The following TDRD3 variants were observed in gnomAD, a reference collection of about 807,000 sequenced individuals.
TDRD3 encodes the protein tudor domain-containing protein 3.
In TDRD3, 45 loss-of-function variants were observed where a neutral mutation model predicts 86.7. That is an observed-to-expected ratio of 0.52 (90% CI 0.41 to 0.67). The LOEUF is 0.67. Among genes scored for constraint, TDRD3 ranks in the 30% least tolerant of loss-of-function variants. TDRD3 has a pLI of 0.00. For missense variants in TDRD3, 814 were observed against 889.0 expected (o/e 0.92, Z 1.07); for synonymous variants, 298 against 301.7 (o/e 0.99, Z 0.13).
chr13:60,503,292 G>T (rs7996718), intron 8 of TDRD3, among the ~76,000 whole-genome samples: 7 of 152,156 alleles, frequency 4.6e-5, no homozygotes, highest in African/African-American at 7.2e-5. Context: ...TGTATAGCTT[G>T]ATTGTAACCC....
intron 10 of TDRD3, 35 bp downstream of exon 10, chr13:60,510,790 T>C (rs777302209): frequency 6.7e-7 from 1 of 1,493,970 alleles, no homozygotes; most frequent in East Asian, 2.4e-5. Flanking sequence ...TTTTTTTTTC[T>C]TTCTTTTCTT....
intron 12 of TDRD3, among the ~76,000 whole-genome samples, chr13:60,541,746 T>TTTTTTTTTA (rs1957818133): frequency 7.4e-6 from 1 of 135,922 alleles, no homozygotes; most frequent in African/African-American, 2.7e-5. Context: ...TTTTTTTTTT[T>TTTTTTTTTA]GAGACGGAGT....
chr13:60,443,283 T>G (rs1160696404), intron 2 of TDRD3, among the ~76,000 whole-genome samples: 1 of 152,048 alleles, frequency 6.6e-6, no homozygotes, highest in African/African-American at 2.4e-5. Context: ...TTTACACTTA[T>G]GTTATTCAGT....
chr13:60,500,141 C>T (rs1445047785), intron 8 of TDRD3, among the ~76,000 whole-genome samples: 1 of 152,138 alleles, frequency 6.6e-6, no homozygotes, highest in East Asian at 1.9e-4. Context: ...CGGCTCTTGG[C>T]CTGTTACTGG....
intron 1 of TDRD3, among the ~76,000 whole-genome samples, chr13:60,417,715 A>G (rs1954559836): frequency 6.6e-6 from 1 of 152,118 alleles, no homozygotes; most frequent in Non-Finnish European, 1.5e-5. Flanking sequence ...AGCCTTATAT[A>G]TGAAATACTC....
At chr13:60,403,069 G>A (rs923127457) in intron 1 of TDRD3, among the ~76,000 whole-genome samples, 5 of 151,608 alleles carry the variant, frequency 3.3e-5, no homozygotes, top group South Asian at 2.1e-4. Flanking sequence ...TGTAAACTGC[G>A]AAAAATGACT....
intron 10 of TDRD3, among the ~76,000 whole-genome samples, chr13:60,517,640 C>G (rs1240430297): frequency 2.0e-5 from 3 of 152,192 alleles, no homozygotes; most frequent in Non-Finnish European, 2.9e-5. Flanking sequence ...TTGAATTTTT[C>G]TTCCTGTAAA....
chr13:60,432,896 C>A (rs1324861563), intron 1 of TDRD3, among the ~76,000 whole-genome samples: 2 of 151,998 alleles, frequency 1.3e-5, no homozygotes, highest in Admixed American at 1.3e-4. Flanking sequence ...TGTGCGGGGG[C>A]TAGTAACCTC....
At chr13:60,493,634 G>C (rs1014629469) in intron 7 of TDRD3, among the ~76,000 whole-genome samples, 28 of 152,290 alleles carry the variant, frequency 1.8e-4, no homozygotes, top group African/African-American at 6.5e-4. Flanking sequence ...CTGCACTCCA[G>C]TCTAGGTGAC....
chr13:60,452,826 T>G (rs1289882879), intron 3 of TDRD3, among the ~76,000 whole-genome samples: 1 of 151,980 alleles, frequency 6.6e-6, no homozygotes, highest in African/African-American at 2.4e-5. Flanking sequence ...TTTTTTTTTT[T>G]TTTAATTACT....
chr13:60,512,856 A>C (rs1483992578), intron 10 of TDRD3, among the ~76,000 whole-genome samples: 1 of 152,128 alleles, frequency 6.6e-6, no homozygotes, highest in East Asian at 1.9e-4. Flanking sequence ...TTTTCCAGGT[A>C]AATGGTGCAA....
intron 3 of TDRD3, among the ~76,000 whole-genome samples, chr13:60,456,893 C>T (rs1278733310): frequency 6.6e-6 from 1 of 151,768 alleles, no homozygotes; most frequent in Non-Finnish European, 1.5e-5. Flanking sequence ...ATGGGGTCTC[C>T]CTATGTTGCC....
At chr13:60,455,792 G>A (rs1388286531) in intron 3 of TDRD3, among the ~76,000 whole-genome samples, 1 of 152,028 alleles carries the variant, frequency 6.6e-6, no homozygotes, top group Non-Finnish European at 1.5e-5. Flanking sequence ...AACAGGCCAG[G>A]TATGGTTGCC....
At chr13:60,474,849 T>C (rs1056039382) in intron 5 of TDRD3, among the ~76,000 whole-genome samples, 1 of 152,076 alleles carries the variant, frequency 6.6e-6, no homozygotes, top group South Asian at 2.1e-4. Flanking sequence ...TCAGGTTAGC[T>C]GATGATGAAG....
At chr13:60,572,601 C>T (rs1464901411) in intron 13 of TDRD3, among the ~76,000 whole-genome samples, 7 of 152,102 alleles carry the variant, frequency 4.6e-5, no homozygotes, top group African/African-American at 1.7e-4. Context: ...GGTCAAGGCT[C>T]AATGTGTAAA....
chr13:60,558,573 T>C (rs577956495), intron 12 of TDRD3, among the ~76,000 whole-genome samples: 1 of 152,214 alleles, frequency 6.6e-6, no homozygotes, highest in Non-Finnish European at 1.5e-5. Context: ...TTTCTTTTTA[T>C]GGGATATCTT....
At chr13:60,479,925 AAC>A (rs1956274779) in intron 5 of TDRD3, among the ~76,000 whole-genome samples, 1 of 152,174 alleles carries the variant, frequency 6.6e-6, no homozygotes, top group Admixed American at 6.5e-5. Context: ...GGAGACAGCA[AAC>A]AGTTGAGTCT....
At chr13:60,512,793 G>A (rs918544572) in intron 10 of TDRD3, among the ~76,000 whole-genome samples, 5 of 152,200 alleles carry the variant, frequency 3.3e-5, no homozygotes, top group African/African-American at 1.2e-4. Flanking sequence ...GACTTTGCAG[G>A]ATACAGCCTC....
chr13:60,532,126 A>G (rs959932815), intron 11 of TDRD3, among the ~76,000 whole-genome samples: 5 of 152,206 alleles, frequency 3.3e-5, no homozygotes, highest in Admixed American at 6.5e-5. Flanking sequence ...TGGTGAAAAA[A>G]TTAAATTAAA....
Sources: gnomAD v4.1 joint callset for allele counts (sites outside exome capture counted in the v4.1 genomes callset) on GRCh38, gnomAD v4.1.1 for gene constraint, MANE v1.5 for transcripts, NCBI Gene and HGNC (gene_info 2026-07-23, HGNC 2026-07-21) for gene names.